Variants in WWOX observed in about 807,000 individuals in gnomAD.
WWOX encodes WW domain containing oxidoreductase, also known as WW domain-containing oxidoreductase.
A neutral mutation model predicts 46.2 loss-of-function variants in WWOX; 69 were observed. That is an observed-to-expected ratio of 1.49 (90% CI 1.23 to 1.82). The LOEUF is 1.82. Among genes scored for constraint, WWOX ranks in the 40% most tolerant of loss-of-function variants. The pLI is 0.00. For missense variants in WWOX, 919 were observed against 542.6 expected (o/e 1.69, Z -6.89); for synonymous variants, 359 against 202.6 (o/e 1.77, Z -6.56).
chr16:78,727,709 G>C (rs2048869293), intron 8 of WWOX, among the ~76,000 whole-genome samples: 1 of 152,066 alleles, frequency 6.6e-6, no homozygotes, highest in Admixed American at 6.5e-5. Context: ...GCTAATAGTA[G>C]TGCTGTGTGG....
intron 5 of WWOX, among the ~76,000 whole-genome samples, chr16:78,334,933 AAAAAAGGC>A (rs1374638806): frequency 6.7e-6 from 1 of 150,048 alleles, no homozygotes; most frequent in East Asian, 2.0e-4. Context: ...TTAAAAAAAA[AAAAAAGGC>A]AGCAAAATGT....
chr16:78,668,538 A>G (rs1177017900), intron 8 of WWOX, among the ~76,000 whole-genome samples: 1 of 152,188 alleles, frequency 6.6e-6, no homozygotes. Flanking sequence ...ACAAACAATT[A>G]GAACATTTAG....
intron 8 of WWOX, among the ~76,000 whole-genome samples, chr16:78,900,207 A>G (rs2044795704): frequency 6.6e-6 from 1 of 151,948 alleles, no homozygotes; most frequent in Non-Finnish European, 1.5e-5. Flanking sequence ...GCAGACCTGT[A>G]CATTTGTTTA....
intron 8 of WWOX, among the ~76,000 whole-genome samples, chr16:78,804,718 T>A (rs975394656): frequency 6.6e-6 from 1 of 152,272 alleles, no homozygotes; most frequent in Non-Finnish European, 1.5e-5. Context: ...CTTGATAGTT[T>A]TTTATGTGAT....
chr16:78,576,763 T>G (rs1217762445), intron 8 of WWOX, among the ~76,000 whole-genome samples: 1 of 152,150 alleles, frequency 6.6e-6, no homozygotes, highest in African/African-American at 2.4e-5. Context: ...CCCAGAAGAT[T>G]CAGACTGCAA....
intron 8 of WWOX, among the ~76,000 whole-genome samples, chr16:78,932,408 T>TA (rs1391381314): frequency 9.2e-5 from 14 of 152,228 alleles, no homozygotes. Flanking sequence ...TATGCCTGGA[T>TA]AAGAACATGC....
At chr16:78,704,961 C>A (rs116261475) in intron 8 of WWOX, among the ~76,000 whole-genome samples, 1 of 150,448 alleles carries the variant, frequency 6.6e-6, no homozygotes, top group South Asian at 2.1e-4. Context: ...TAAAAACCAG[C>A]GACAGTCTTG....
At chr16:79,094,417 T>A in intron 8 of WWOX, among the ~76,000 whole-genome samples, 1 of 151,914 alleles carries the variant, frequency 6.6e-6, no homozygotes, top group Non-Finnish European at 1.5e-5. Flanking sequence ...GTCCAGCTAA[T>A]TTTTTTGTAT....
At chr16:78,380,233 G>A (rs2081925118) in intron 5 of WWOX, among the ~76,000 whole-genome samples, 2 of 152,110 alleles carry the variant, frequency 1.3e-5, no homozygotes, top group Admixed American at 1.3e-4. Context: ...AGGAGGGTTG[G>A]GGGATGAGAG....
intron 5 of WWOX, among the ~76,000 whole-genome samples, chr16:78,191,347 C>T (rs1567621716): frequency 6.6e-6 from 1 of 152,134 alleles, no homozygotes; most frequent in African/African-American, 2.4e-5. Context: ...AGCAACAAGG[C>T]TTGGGAATTT....
chr16:78,764,942 T>C (rs1252915207), intron 8 of WWOX, among the ~76,000 whole-genome samples: 1 of 152,190 alleles, frequency 6.6e-6, no homozygotes, highest in Non-Finnish European at 1.5e-5. Flanking sequence ...CTTTAGGGCA[T>C]ACACATCTGC....
At chr16:78,353,461 A>G (rs532198752) in intron 5 of WWOX, among the ~76,000 whole-genome samples, 2 of 152,346 alleles carry the variant, frequency 1.3e-5, no homozygotes, top group East Asian at 3.9e-4. Flanking sequence ...ATCCAGCAGC[A>G]GTGCCACTGT....
At chr16:78,778,044 G>GAA (rs11309867) in intron 8 of WWOX, among the ~76,000 whole-genome samples, 5 of 99,748 alleles carry the variant, frequency 5.0e-5, no homozygotes, top group East Asian at 3.0e-4. Flanking sequence ...GACTCCATCT[G>GAA]AAAAAAAAAA....
At chr16:78,173,475 T>TA (rs1459174323) in intron 5 of WWOX, among the ~76,000 whole-genome samples, 1 of 144,350 alleles carries the variant, frequency 6.9e-6, no homozygotes, top group Non-Finnish European at 1.5e-5. Flanking sequence ...TTTTTTTTTT[T>TA]AATGTAGAGG....
intron 5 of WWOX, among the ~76,000 whole-genome samples, chr16:78,332,446 C>T (rs2080781575): frequency 6.6e-6 from 1 of 152,164 alleles, no homozygotes; most frequent in Admixed American, 6.5e-5. Context: ...GTATGGGCTG[C>T]ATGAATTCCT....
intron 5 of WWOX, among the ~76,000 whole-genome samples, chr16:78,189,873 C>T (rs568421148): frequency 1.6e-4 from 25 of 152,054 alleles, no homozygotes; most frequent in East Asian, 9.7e-4. Context: ...CAGGTTAGAC[C>T]GGAACTCCTG....
At chr16:78,619,711 C>G (rs2046129987) in intron 8 of WWOX, among the ~76,000 whole-genome samples, 1 of 151,822 alleles carries the variant, frequency 6.6e-6, no homozygotes, top group Non-Finnish European at 1.5e-5. Context: ...TGGAGACCAG[C>G]CTGGGCAACA....
intron 8 of WWOX, among the ~76,000 whole-genome samples, chr16:78,665,283 G>A (rs551643083): frequency 1.3e-5 from 2 of 152,268 alleles, no homozygotes; most frequent in East Asian, 1.9e-4. Context: ...GGAGTGTAGA[G>A]AAGAGAGTTT....
intron 8 of WWOX, among the ~76,000 whole-genome samples, chr16:78,745,715 T>G (rs1430903231): frequency 2.0e-5 from 3 of 147,438 alleles, no homozygotes; most frequent in Non-Finnish European, 1.5e-5. Context: ...CACCCCCTCA[T>G]AGATTTCTTC....
Sources: allele counts gnomAD v4.1 joint callset (sites outside exome capture counted in the v4.1 genomes callset), GRCh38; gene constraint gnomAD v4.1.1; transcripts MANE v1.5; gene names NCBI Gene and HGNC (gene_info 2026-07-23, HGNC 2026-07-21).